Variants in TOM1L1 observed in about 807,000 individuals in gnomAD.
TOM1L1 encodes target of myb1 like 1 membrane trafficking protein, also known as TOM1-like protein 1.
In TOM1L1, 64 loss-of-function variants were observed where a neutral mutation model predicts 63.4. That is an observed-to-expected ratio of 1.01 (90% CI 0.83 to 1.24). The LOEUF is 1.24. TOM1L1 is among the 50% of genes most tolerant of loss of function. The pLI, the probability that TOM1L1 is intolerant of heterozygous loss-of-function variation, is 0.00. For missense variants in TOM1L1, 536 were observed against 567.0 expected (o/e 0.95, Z 0.55); for synonymous variants, 166 against 194.4 (o/e 0.85, Z 1.22).
At chr17:54,916,659 CT>C (rs1320785168) in intron 7 of TOM1L1, 1 of 152,180 alleles carries the variant, frequency 6.6e-6, no homozygotes, top group Non-Finnish European at 1.5e-5. Context: ...CTCGCCACCT[CT>C]CATGTTATTT....
In TOM1L1 at chr17:54,926,423, G is replaced by A. The variant is rs77919743; in HGVS notation, c.721-3650G>A. Among the ~76,000 whole-genome samples the A allele has an allele frequency of 5.8e-3, 886 of 152,190 alleles. 5 individuals carry two copies. The highest frequency in any genetic ancestry group is 9.1e-3 in the Non-Finnish European group (616 of 68,016). Reference sequence around the variant, plus strand: ...GGCCACCTTCCTCTTATCTTGAATAGCTGACTTGTCCTGGTACCTCCCACT... The same window carrying A: ...GGCCACCTTCCTCTTATCTTGAATAACTGACTTGTCCTGGTACCTCCCACT... On this transcript the variant is annotated intron_variant, in intron 7 of 15. Transcript: ENST00000575882.
chr17:54,930,378 C>T, intron 8 of TOM1L1, 172 bp downstream of exon 8: 1 of 761,410 alleles, frequency 1.3e-6, no homozygotes, highest in Non-Finnish European at 2.0e-6. Context: ...ACAGCTCCTA[C>T]TCAGTAAATG....
At chr17:54,949,041 T>G (rs866902082) in intron 12 of TOM1L1, among the ~76,000 whole-genome samples, 19 of 152,140 alleles carry the variant, frequency 1.2e-4, no homozygotes, top group Middle Eastern at 3.4e-3. Flanking sequence ...TATAGTAAAT[T>G]CTTGTTTTTG....
chr17:54,943,614 G>A (rs2049068139), intron 11 of TOM1L1, among the ~76,000 whole-genome samples: 1 of 151,874 alleles, frequency 6.6e-6, no homozygotes, highest in South Asian at 2.1e-4. Flanking sequence ...TATATATAAA[G>A]AGAGTTTGCT....
chr17:54,920,285 A>G (rs771365658), intron 7 of TOM1L1, among the ~76,000 whole-genome samples: 2 of 152,150 alleles, frequency 1.3e-5, no homozygotes, highest in African/African-American at 2.4e-5. Flanking sequence ...GTACAACTGT[A>G]AAGAAGGAAT....
chr17:54,941,017 C>T (rs1477333260), intron 11 of TOM1L1, among the ~76,000 whole-genome samples: 1 of 151,994 alleles, frequency 6.6e-6, no homozygotes, highest in East Asian at 1.9e-4. Context: ...CTTCATCCTC[C>T]CTCTCTCCTT....
chr17:54,934,865 A>C (rs1490719339), intron 8 of TOM1L1, among the ~76,000 whole-genome samples: 1 of 151,970 alleles, frequency 6.6e-6, no homozygotes, highest in African/African-American at 2.4e-5. Context: ...TTAGAGACAC[A>C]TGCCACCACG....
In TOM1L1 at chr17:54,903,633, T is replaced by C. The variant is rs542219284; in HGVS notation, c.59-75T>C. Reference sequence around the variant, plus strand: ...CTTAATGACACTTGCTGGTGCAGCCTAGGCAGATTATTTCAGGAATACCAG... The same window carrying C: ...CTTAATGACACTTGCTGGTGCAGCCCAGGCAGATTATTTCAGGAATACCAG... On this transcript the variant is annotated intron_variant, in intron 1 of 15. Transcript: ENST00000575882. The C allele has an allele frequency of 2.3e-6, 3 of 1,333,304 alleles. No individual in the cohort carries two copies. In the African/African-American group the frequency reaches 4.3e-5, roughly 19 times the overall value. 82.6% of individuals were successfully genotyped at this position (1,333,304 alleles called of 1,614,324 possible). A position where few individuals can be genotyped will look rare whatever the true frequency, so the allele number is the denominator to read the frequency against.
intron 6 of TOM1L1, 52 bp downstream of exon 6, chr17:54,914,795 C>T (rs1312086384): frequency 7.2e-7 from 1 of 1,387,902 alleles, no homozygotes. Context: ...GATTTGTAAG[C>T]ACCTTATATA....
At chr17:54,932,004 G>A (rs776003785) in intron 8 of TOM1L1, among the ~76,000 whole-genome samples, 9 of 149,502 alleles carry the variant, frequency 6.0e-5, no homozygotes, top group Non-Finnish European at 1.2e-4. Flanking sequence ...GCTTAGGCTG[G>A]AGTGCAGTGG....
At chr17:54,903,998 T>C (rs1405816286) in intron 2 of TOM1L1, among the ~76,000 whole-genome samples, 2 of 152,328 alleles carry the variant, frequency 1.3e-5, no homozygotes, top group South Asian at 2.1e-4. Flanking sequence ...AAATCCACTA[T>C]AATTTTTCTC....
chr17:54,912,523 T>G, intron 3 of TOM1L1, 143 bp from the exon 4 acceptor site: 1 of 667,718 alleles, frequency 1.5e-6, no homozygotes. Flanking sequence ...AACCTAACAT[T>G]TTGCCATATA....
chr17:54,961,914 A>G lies in TOM1L1; in HGVS notation c.*681A>G, dbSNP rs565458605. ...AACACAGAAAATGAAAATATTTAGA[A>G]TAAGTTGTACATTTGATGACAAATA... is the stretch of plus-strand genomic sequence containing the variant. On this transcript the variant is annotated 3_prime_UTR_variant, in exon 16 of 16. Transcript: ENST00000575882. 4.0e-5 allele frequency: 36 copies of G among 900,758 alleles called. No homozygotes were observed. The African/African-American group carries it at 6.1e-4, about 15-fold the overall frequency. The allele number at this position is 900,758 out of a possible 1,614,324, so 55.8% of individuals were successfully genotyped here.
At chr17:54,961,211 G>T in intron 15 of TOM1L1, 24 bp from the exon 16 acceptor site, 1 of 1,397,114 alleles carries the variant, frequency 7.2e-7, no homozygotes, top group Non-Finnish European at 9.9e-7. Flanking sequence ...ATGAATACTG[G>T]CCATTTTCTT....
intron 1 of TOM1L1, among the ~76,000 whole-genome samples, chr17:54,903,015 C>T (rs1446242791): frequency 2.6e-5 from 4 of 152,282 alleles, no homozygotes; most frequent in Middle Eastern, 3.4e-3. Flanking sequence ...TTGAGGTAAG[C>T]AGTGTCTTTG....
intron 1 of TOM1L1, chr17:54,901,207 G>GC: frequency 1.9e-6 from 1 of 516,870 alleles, no homozygotes; most frequent in Non-Finnish European, 3.5e-6. Flanking sequence ...CAGGCATGGA[G>GC]TGTTTGGGCC....
intron 8 of TOM1L1, among the ~76,000 whole-genome samples, chr17:54,935,303 A>C (rs895372484): frequency 2.0e-5 from 3 of 152,108 alleles, no homozygotes; most frequent in African/African-American, 7.2e-5. Flanking sequence ...GGAGCTTCTG[A>C]GCCAGGAGAA....
intron 7 of TOM1L1, chr17:54,916,386 G>A: frequency 6.5e-6 from 1 of 153,662 alleles, no homozygotes. Context: ...CTAGATGGAG[G>A]CAATGCTCGA....
chr17:54,944,402 A>C (rs568084422), intron 11 of TOM1L1, among the ~76,000 whole-genome samples: 55 of 151,646 alleles, frequency 3.6e-4, no homozygotes, highest in Non-Finnish European at 4.4e-4. Context: ...GTGAGCCAAG[A>C]TCGTGCCACT....
Sources: gnomAD v4.1 joint callset for allele counts (sites outside exome capture counted in the v4.1 genomes callset) on GRCh38, gnomAD v4.1.1 for gene constraint, MANE v1.5 for transcripts, NCBI Gene and HGNC (gene_info 2026-07-23, HGNC 2026-07-21) for gene names.